DAB1: variants seen among roughly 807,000 people sequenced by gnomAD.
DAB1 encodes the protein disabled homolog 1.
A neutral mutation model predicts 64.6 loss-of-function variants in DAB1; 15 were observed. The observed-to-expected ratio is 0.23, with a 90% CI of 0.16 to 0.36. The LOEUF (loss-of-function observed/expected upper bound fraction) is 0.36, where lower values mean the gene tolerates loss of function less well. Among genes scored for constraint, DAB1 ranks in the 10% least tolerant of loss-of-function variants. The pLI is 1.00. For missense variants in DAB1, 596 were observed against 706.7 expected (o/e 0.84, Z 1.78); for synonymous variants, 235 against 251.9 (o/e 0.93, Z 0.64).
At chr1:57,305,779 C>A (rs1674085334) in intron 1 of DAB1, among the ~76,000 whole-genome samples, 1 of 152,082 alleles carries the variant, frequency 6.6e-6, no homozygotes, top group African/African-American at 2.4e-5. Flanking sequence ...ACCATCCTGG[C>A]TAACATGGTG....
chr1:57,775,894 T>A lies in DAB1; in HGVS notation n.551+108105A>T, dbSNP rs995980563. Among the ~76,000 whole-genome samples, 9 of 151,852 alleles carry A rather than the reference T, an allele frequency of 5.9e-5. No individual in the cohort carries two copies. In the East Asian group the frequency reaches 1.7e-3, roughly 29 times the overall value. On this transcript the variant is annotated intron_variant and non_coding_transcript_variant, in intron 6 of 20. Transcript: ENST00000485760. ...GTATTTTGAAGCTTCAAAATTGTGA[T>A]ACCATCTTTATGTTTTTATAATTTA... is the stretch of plus-strand genomic sequence containing the variant.
chr1:57,452,643 C>T (rs1354308052), intron 7 of DAB1, among the ~76,000 whole-genome samples: 1 of 152,112 alleles, frequency 6.6e-6, no homozygotes, highest in East Asian at 1.9e-4. Context: ...AATCTCCTCT[C>T]CTGGTCCTGT....
intron 6 of DAB1, among the ~76,000 whole-genome samples, chr1:57,681,423 A>G (rs1356713840): frequency 2.6e-5 from 4 of 152,212 alleles, no homozygotes; most frequent in Non-Finnish European, 4.4e-5. Flanking sequence ...ACTTCAAGAT[A>G]TCTTTTTGTT....
At chr1:57,492,582 T>C in intron 7 of DAB1, among the ~76,000 whole-genome samples, 1 of 152,260 alleles carries the variant, frequency 6.6e-6, no homozygotes, top group Admixed American at 6.5e-5. Context: ...TTTAGTTAAC[T>C]TGAATAAATT....
chr1:58,379,069 G>A (rs894984816), intron 3 of DAB1, among the ~76,000 whole-genome samples: 16 of 146,756 alleles, frequency 1.1e-4, no homozygotes, highest in South Asian at 8.8e-4. Flanking sequence ...ACTGGCCTGC[G>A]CCCACTGTCT....
intron 4 of DAB1, among the ~76,000 whole-genome samples, chr1:58,187,967 C>G (rs1218640545): frequency 6.7e-6 from 1 of 148,356 alleles, no homozygotes; most frequent in Non-Finnish European, 1.5e-5. Context: ...GGAGTGCAGT[C>G]CCTTGGTCTC....
In DAB1 at chr1:58,397,531, G is replaced by A. The variant is rs1644533523; in HGVS notation, n.258-54128C>T. On this transcript the variant is annotated intron_variant and non_coding_transcript_variant, in intron 3 of 20. Transcript: ENST00000485760. ...TCCACTTCATGACTCCTGAAACCAGGTTGAAGGCCACGCCTCCACATCTGG... is the reference window on the plus strand; with the variant it reads ...TCCACTTCATGACTCCTGAAACCAGATTGAAGGCCACGCCTCCACATCTGG... Among the ~76,000 whole-genome samples the A allele has an allele frequency of 2.6e-5, 4 of 152,264 alleles. No individual in the cohort carries two copies. The South Asian group carries it at 6.2e-4, about 24-fold the overall frequency.
At chr1:58,442,124 C>A (rs775335018) in intron 3 of DAB1, among the ~76,000 whole-genome samples, 4 of 152,084 alleles carry the variant, frequency 2.6e-5, no homozygotes, top group African/African-American at 7.2e-5. Context: ...TTATTGTGTG[C>A]GTGTGTGTGC....
chr1:57,365,055 C>T lies in DAB1; in HGVS notation c.-137+58875G>A, dbSNP rs545361630. ...TTATTGTTCATAAATCATCCACATACGCTATCATAGACTTTATATATATAT... is the reference window on the plus strand; with the variant it reads ...TTATTGTTCATAAATCATCCACATATGCTATCATAGACTTTATATATATAT... On this transcript the variant is annotated intron_variant, in intron 1 of 14. Coordinates refer to ENST00000371236, the MANE Select transcript of DAB1 (RefSeq NM_001365792.1). Among the ~76,000 whole-genome samples the T allele has an allele frequency of 6.6e-4, 74 of 112,648 alleles. 1 individual carries two copies. The South Asian group carries it at 0.012, about 18-fold the overall frequency. The allele number at this position is 112,648 out of a possible 152,430, so 73.9% of individuals were successfully genotyped here. A position where few individuals can be genotyped will look rare whatever the true frequency, so the allele number is the denominator to read the frequency against.
At chr1:58,326,999 G>C (rs1432671324) in intron 4 of DAB1, among the ~76,000 whole-genome samples, 1 of 152,210 alleles carries the variant, frequency 6.6e-6, no homozygotes, top group Admixed American at 6.5e-5. Context: ...ACTTTTTAAA[G>C]AGAGGGAATA....
rs72915073 is a variant in DAB1 at position 57,172,131 on chromosome 1, T to C, written c.68-26702A>G. On this transcript the variant is annotated intron_variant, in intron 2 of 14. Transcript: ENST00000371236. ...CATGAAGTTCTCATGATGTTCTCCC[T>C]GTGTGTCTATCTGTGTGTCCAAATT... Among the ~76,000 whole-genome samples, 178 of 152,286 alleles carry C rather than the reference T, an allele frequency of 1.2e-3. 1 individual carries two copies. Among genetic ancestry groups the C allele is most frequent in the African/African-American group, 4.1e-3 (172 of 41,568 alleles).
At chr1:57,052,826 C>T (rs543017492) in intron 9 of DAB1, among the ~76,000 whole-genome samples, 1 of 152,186 alleles carries the variant, frequency 6.6e-6, no homozygotes, top group African/African-American at 2.4e-5. Flanking sequence ...GCTCACTACT[C>T]GATAAGGTTG....
intron 5 of DAB1, among the ~76,000 whole-genome samples, chr1:58,064,493 T>A (rs956323931): frequency 2.6e-5 from 4 of 152,012 alleles, no homozygotes; most frequent in African/African-American, 9.7e-5. Context: ...GTGCTCAGAA[T>A]AAAGGCAGCC....
chr1:58,250,952 CCT>C (rs2100404947), intron 4 of DAB1, among the ~76,000 whole-genome samples: 1 of 152,268 alleles, frequency 6.6e-6, no homozygotes, highest in South Asian at 2.1e-4. Context: ...TACATAAACC[CCT>C]GAGACATGTT....
At chr1:58,152,294 C>A (rs139527658) in intron 4 of DAB1, among the ~76,000 whole-genome samples, 152 of 152,180 alleles carry the variant, frequency 1.0e-3, no homozygotes, top group African/African-American at 3.6e-3. Context: ...GATTCTTGGG[C>A]AAGTATTTGC....
intron 3 of DAB1, among the ~76,000 whole-genome samples, chr1:58,450,547 G>A (rs1402353629): frequency 6.6e-6 from 1 of 152,146 alleles, no homozygotes; most frequent in Admixed American, 6.5e-5. Context: ...AAGGTCAGGT[G>A]ATCGAGACCA....
At chr1:58,053,617 T>A (rs571620834) in intron 5 of DAB1, among the ~76,000 whole-genome samples, 2 of 152,228 alleles carry the variant, frequency 1.3e-5, no homozygotes, top group South Asian at 4.1e-4. Flanking sequence ...GGGACAAATA[T>A]CTAAACCATA....
At chr1:57,424,363 G>A (rs937314118), upstream of DAB1, among the ~76,000 whole-genome samples, 6 of 152,004 alleles carry the variant, frequency 3.9e-5, no homozygotes, top group South Asian at 4.1e-4. Flanking sequence ...GCGAGCGGGG[G>A]CGCCGCGGCT....
At chr1:57,931,864 G>C (rs949537388) in intron 5 of DAB1, among the ~76,000 whole-genome samples, 2 of 151,744 alleles carry the variant, frequency 1.3e-5, no homozygotes, top group African/African-American at 4.8e-5. Context: ...TGCTCTTATT[G>C]TTATTATTTC....
Sources: allele counts gnomAD v4.1 joint callset (sites outside exome capture counted in the v4.1 genomes callset), GRCh38; gene constraint gnomAD v4.1.1; transcripts MANE v1.5; gene names NCBI Gene and HGNC (gene_info 2026-07-23, HGNC 2026-07-21).